The following SOX6 variants were observed in gnomAD, a reference collection of about 807,000 sequenced individuals.
SOX6 encodes the protein transcription factor SOX-6.
A neutral mutation model predicts 97.8 loss-of-function variants in SOX6; 11 were observed. The observed-to-expected ratio is 0.11, with a 90% confidence interval of 0.07 to 0.19. SOX6 has a LOEUF of 0.19. Ranked by LOEUF, SOX6 falls within the 10% of genes least tolerant of loss-of-function variation. The pLI, the probability that SOX6 is intolerant of heterozygous loss-of-function variation, is 1.00. For missense variants in SOX6, 810 were observed against 1,039.5 expected, an observed-to-expected ratio of 0.78 and a Z score of 3.04; for synonymous variants, 360 against 371.4, an observed-to-expected ratio of 0.97 and a Z score of 0.35.
intron 3 of SOX6, chr11:16,315,303 T>C (rs1855726860): frequency 6.6e-6 from 1 of 152,152 alleles, no homozygotes; most frequent in Non-Finnish European, 1.5e-5. Flanking sequence ...AAAAAAGATC[T>C]GTAGGCTTCA....
chr11:16,041,624 C>A (rs1288148640), intron 12 of SOX6, among the ~76,000 whole-genome samples: 7 of 152,032 alleles, frequency 4.6e-5, no homozygotes, highest in African/African-American at 1.7e-4. Context: ...AGAATCAGGT[C>A]AAGCTTTTCT....
intron 1 of SOX6, among the ~76,000 whole-genome samples, chr11:16,419,695 T>C (rs1858990657): frequency 6.6e-6 from 1 of 152,098 alleles, no homozygotes; most frequent in Non-Finnish European, 1.5e-5. Context: ...TAATGATGAA[T>C]AATATAGCCG....
chr11:16,502,019 T>G (rs1860717390), intron 4 of SOX6, among the ~76,000 whole-genome samples: 1 of 152,180 alleles, frequency 6.6e-6, no homozygotes, highest in Admixed American at 6.5e-5. Context: ...ACACGTATGT[T>G]TATTGCGGCA....
intron 4 of SOX6, among the ~76,000 whole-genome samples, chr11:16,228,250 C>T (rs1452445611): frequency 6.6e-6 from 1 of 151,636 alleles, no homozygotes; most frequent in Non-Finnish European, 1.5e-5. Context: ...TTCAGATGCA[C>T]CCAGGCCAAA....
intron 6 of SOX6, among the ~76,000 whole-genome samples, chr11:16,180,886 A>G (rs1193057565): frequency 6.6e-6 from 1 of 151,848 alleles, no homozygotes; most frequent in Non-Finnish European, 1.5e-5. Flanking sequence ...AATTGCAAAT[A>G]AAATAAACAT....
At chr11:16,133,410 G>A (rs1849872699) in intron 6 of SOX6, among the ~76,000 whole-genome samples, 1 of 152,094 alleles carries the variant, frequency 6.6e-6, no homozygotes, top group African/African-American at 2.4e-5. Context: ...GTAGGTAGGA[G>A]AAAAAACTCT....
At chr11:16,523,821 A>T (rs1205403791) in intron 4 of SOX6, among the ~76,000 whole-genome samples, 1 of 152,230 alleles carries the variant, frequency 6.6e-6, no homozygotes, top group Non-Finnish European at 1.5e-5. Flanking sequence ...ATCCCACAGA[A>T]ATACAAACTA....
intron 3 of SOX6, among the ~76,000 whole-genome samples, chr11:16,645,793 G>T (rs1849004413): frequency 6.6e-6 from 1 of 152,136 alleles, no homozygotes; most frequent in Non-Finnish European, 1.5e-5. Context: ...CTAACACCTT[G>T]ATTTCAGACC....
chr11:16,417,088 T>C (rs1003761641), intron 1 of SOX6, among the ~76,000 whole-genome samples: 1 of 152,162 alleles, frequency 6.6e-6, no homozygotes, highest in African/African-American at 2.4e-5. Context: ...GTTGCTTTTG[T>C]TGAGGAAGAA....
chr11:16,469,432 G>A (rs1860102312), intron 1 of SOX6, among the ~76,000 whole-genome samples: 2 of 152,068 alleles, frequency 1.3e-5, no homozygotes. Flanking sequence ...GACAGACAAA[G>A]CAAAAATTCT....
chr11:15,991,273 T>C (rs12575006), intron 13 of SOX6, among the ~76,000 whole-genome samples: 1 of 152,186 alleles, frequency 6.6e-6, no homozygotes, highest in Non-Finnish European at 1.5e-5. Context: ...GATAAATTGA[T>C]TTCACTTTAT....
chr11:16,313,116 T>G (rs1428132912), intron 3 of SOX6: 4 of 152,208 alleles, frequency 2.6e-5, no homozygotes, highest in Non-Finnish European at 4.4e-5. Flanking sequence ...TTCAACAATG[T>G]TTTACAATCT....
At chr11:16,591,069 C>G (rs1294055839) in intron 4 of SOX6, among the ~76,000 whole-genome samples, 2 of 151,886 alleles carry the variant, frequency 1.3e-5, no homozygotes, top group Non-Finnish European at 2.9e-5. Flanking sequence ...AATATATACA[C>G]CTATGTAACC....
chr11:15,974,372 C>G (rs1463392897), intron 15 of SOX6, among the ~76,000 whole-genome samples: 2 of 108,394 alleles, frequency 1.8e-5, no homozygotes, highest in African/African-American at 7.5e-5. Context: ...TTTCTGTTAG[C>G]TCTCTCTTTT....
upstream of SOX6, among the ~76,000 whole-genome samples, chr11:16,359,162 C>T (rs1436808890): frequency 6.6e-6 from 1 of 151,950 alleles, no homozygotes; most frequent in African/African-American, 2.4e-5. Context: ...AGAAGACTCA[C>T]TTAACCGGGT....
intron 4 of SOX6, among the ~76,000 whole-genome samples, chr11:16,522,339 G>T (rs1861082276): frequency 6.6e-6 from 1 of 152,104 alleles, no homozygotes; most frequent in African/African-American, 2.4e-5. Context: ...TATTCTTAAA[G>T]AAAAGAATTT....
intron 4 of SOX6, among the ~76,000 whole-genome samples, chr11:16,194,738 G>C (rs1382908931): frequency 6.6e-6 from 1 of 152,176 alleles, no homozygotes; most frequent in Non-Finnish European, 1.5e-5. Context: ...ATCAACTGAG[G>C]TCTATTCATG....
intron 3 of SOX6, among the ~76,000 whole-genome samples, chr11:16,697,034 T>C (rs1821089959): frequency 6.6e-6 from 1 of 151,964 alleles, no homozygotes; most frequent in African/African-American, 2.4e-5. Flanking sequence ...GTAGATTCTA[T>C]CTCAAGAAAC....
intron 3 of SOX6, among the ~76,000 whole-genome samples, chr11:16,650,537 C>G (rs1250167051): frequency 8.4e-6 from 1 of 119,204 alleles, no homozygotes; most frequent in African/African-American, 3.1e-5. Context: ...TTTGGGCCAA[C>G]AATGAAATCA....
Sources: allele counts gnomAD v4.1 joint callset (sites outside exome capture counted in the v4.1 genomes callset), GRCh38; gene constraint gnomAD v4.1.1; transcripts MANE v1.5; gene names NCBI Gene and HGNC (gene_info 2026-07-23, HGNC 2026-07-21).